CD109: variants seen among roughly 807,000 people sequenced by gnomAD.
The protein encoded by CD109 is CD109 antigen.
Under a neutral mutation model 165.8 loss-of-function variants are expected in CD109, and 149 were observed. The ratio of observed to expected loss-of-function variants is 0.90; its 90% CI spans 0.79 to 1.03. The LOEUF (loss-of-function observed/expected upper bound fraction) is 1.03, where lower values mean the gene tolerates loss of function less well. Ranked by LOEUF, CD109 falls within the 50% of genes least tolerant of loss-of-function variation. CD109 has a pLI of 0.00. For synonymous variants in CD109, 585 were observed against 592.1 expected (o/e 0.99, Z 0.18); for missense variants, 1,712 against 1,677.8 (o/e 1.02, Z -0.36).
chr6:73,687,245 A>T, the CD109 span, among the ~76,000 whole-genome samples: 1 of 152,174 alleles, frequency 6.6e-6, no homozygotes, highest in Non-Finnish European at 1.5e-5. Flanking sequence ...GGCAGGATAA[A>T]GGTTAATTCT....
chr6:73,766,725 T>G, intron 11 of CD109, 34 bp from the exon 12 acceptor site: 1 of 1,464,200 alleles, frequency 6.8e-7, no homozygotes. Flanking sequence ...TTACTAAAGA[T>G]GAACATTTAC....
In CD109 at chr6:73,714,362, T is replaced by C. The variant is rs149117073; in HGVS notation, c.248-8889T>C. Among the ~76,000 whole-genome samples the C allele has an allele frequency of 1.7e-3, 262 of 152,352 alleles. 2 individuals are homozygous for C. The highest frequency in any genetic ancestry group is 6.8e-3 in the Middle Eastern group (2 of 294). On this transcript the variant is annotated intron_variant, in intron 2 of 32. Coordinates refer to ENST00000287097, the MANE Select transcript of CD109 (RefSeq NM_133493.5). The stretch of plus-strand genomic sequence containing the variant: ...CTGATTGACGTGGGGTATGAAGGTC[T>C]GGCCCTTTCGCCCCAGTTCAGGACA...
At chr6:73,723,349 T>A in intron 3 of CD109, 70 bp downstream of exon 3, 1 of 1,166,082 alleles carries the variant, frequency 8.6e-7, no homozygotes, top group Admixed American at 2.0e-5. Flanking sequence ...ATTAATATTT[T>A]ATTGGATTTT....
chr6:73,803,329 C>T (rs1582185751), intron 24 of CD109, 28 bp downstream of exon 24: 1 of 1,563,732 alleles, frequency 6.4e-7, no homozygotes. Context: ...CTGAACAAAT[C>T]CGTGTCATGG....
At chr6:73,821,520 A>G (rs1261258255) in intron 32 of CD109, among the ~76,000 whole-genome samples, 1 of 152,246 alleles carries the variant, frequency 6.6e-6, no homozygotes, top group Non-Finnish European at 1.5e-5. Context: ...GTAGATGTAC[A>G]TCATGGAATA....
chr6:73,814,901 T>C, intron 29 of CD109, 80 bp from the exon 30 acceptor site: 1 of 962,956 alleles, frequency 1.0e-6, no homozygotes, highest in Non-Finnish European at 1.4e-6. Context: ...AAGAGAATCA[T>C]TACCTAATAC....
At chr6:73,730,624 C>A (rs1339474741) in intron 4 of CD109, 50 bp downstream of exon 4, 2 of 1,222,550 alleles carry the variant, frequency 1.6e-6, no homozygotes, top group Non-Finnish European at 2.4e-6. Flanking sequence ...TCTTACTAAA[C>A]CCCTCTGGGA....
chr6:73,779,893 T>C (rs931034923), intron 15 of CD109, among the ~76,000 whole-genome samples: 3 of 152,116 alleles, frequency 2.0e-5, no homozygotes, highest in Non-Finnish European at 4.4e-5. Flanking sequence ...TGCAAATATC[T>C]CATTTTTGAA....
intron 2 of CD109, among the ~76,000 whole-genome samples, chr6:73,709,175 G>A (rs1179573129): frequency 1.3e-5 from 2 of 152,044 alleles, no homozygotes; most frequent in Admixed American, 6.6e-5. Flanking sequence ...ATTAATTTTT[G>A]TATAAGGTGT....
At position 73,788,537 on chromosome 6, in the gene CD109, A is replaced by G; in HGVS notation, c.2626A>G (p.Thr876Ala). 6.2e-7 allele frequency: 1 copy of G among 1,613,324 alleles called. No homozygotes were observed. Residue 876 changes from threonine to alanine, a missense_variant, in exon 22 of 33, where the codon ACC becomes GCC. Transcript: ENST00000287097. Reference protein sequence around the residue: ...LDLTDNRLQSTLKTLSFSFPP... With the variant: ...LDLTDNRLQSALKTLSFSFPP... ...CTTGACTGACAATAGGCTACAGAGT[A>G]CCCTGAAAACTTTGAGTTTCTCATT... is the stretch of plus-strand genomic sequence containing the variant.
At chr6:73,749,938 G>A (rs1773125615) in intron 5 of CD109, among the ~76,000 whole-genome samples, 1 of 152,194 alleles carries the variant, frequency 6.6e-6, no homozygotes, top group Non-Finnish European at 1.5e-5. Flanking sequence ...GGTGATTAGA[G>A]GGAGAGAAAC....
Position 73,730,393 on chromosome 6 carries a change from G to C in CD109, c.326G>C (p.Arg109Pro). ...DEIYELRVTG[R>P]TQDEILFSNS... ...ATTTATGAGCTACGTGTAACCGGAC[G>C]TACCCAGGATGAGATTTTATTCTCT... The change falls in exon 4 of 33, where the codon CGT (arginine) becomes CCT (proline). Residue 109 changes from arginine (R) to proline (P), a missense_variant. Physicochemically the swap from Arg to Pro is moderately radical, Grantham distance 103. Transcript: ENST00000287097. 1 of 1,613,954 alleles carries C rather than the reference G, an allele frequency of 6.2e-7. No homozygotes were observed. Among genetic ancestry groups the C allele is most frequent in the Non-Finnish European group, 8.5e-7 (1 of 1,179,886 alleles).
chr6:73,717,399 A>G (rs1056134245), intron 2 of CD109, among the ~76,000 whole-genome samples: 1 of 151,862 alleles, frequency 6.6e-6, no homozygotes, highest in African/African-American at 2.4e-5. Context: ...GATAATTTCA[A>G]TCCGTGAACA....
At chr6:73,752,740 G>A (rs1028612408) in intron 5 of CD109, among the ~76,000 whole-genome samples, 15 of 152,278 alleles carry the variant, frequency 9.9e-5, no homozygotes, top group Admixed American at 9.8e-4. Context: ...CTGGGGAGGT[G>A]TTTGCTTAAA....
At chr6:73,696,151 C>T, upstream of CD109, 1 of 1,481,288 alleles carries the variant, frequency 6.8e-7, no homozygotes. Flanking sequence ...AGGTGGCAAG[C>T]CACACCCCAC....
chr6:73,756,240 A>T (rs753666781), intron 5 of CD109, among the ~76,000 whole-genome samples: 1 of 152,214 alleles, frequency 6.6e-6, no homozygotes, highest in Admixed American at 6.5e-5. Context: ...TTAATTTTTG[A>T]TAATGATATC....
At chr6:73,708,500 T>G (rs1435901920) in intron 2 of CD109, among the ~76,000 whole-genome samples, 1 of 152,216 alleles carries the variant, frequency 6.6e-6, no homozygotes, top group Non-Finnish European at 1.5e-5. Context: ...TTATAGTCCT[T>G]TGGGTATATA....
the CD109 span, among the ~76,000 whole-genome samples, chr6:73,687,176 T>C: frequency 2.7e-3 from 411 of 152,324 alleles, no homozygotes; most frequent in Middle Eastern, 0.014. Flanking sequence ...TGGAAAACTA[T>C]AGAGAGAAAT....
chr6:73,747,432 GT>G (rs1425934413), intron 5 of CD109, among the ~76,000 whole-genome samples: 7 of 151,950 alleles, frequency 4.6e-5, no homozygotes, highest in African/African-American at 1.5e-4. Flanking sequence ...CTTCTTCTTG[GT>G]CACTTTCGTC....
Sources: allele counts gnomAD v4.1 joint callset (sites outside exome capture counted in the v4.1 genomes callset), GRCh38; gene constraint gnomAD v4.1.1; transcripts MANE v1.5; gene names NCBI Gene and HGNC (gene_info 2026-07-23, HGNC 2026-07-21).